TRPM6: variants seen among roughly 807,000 people sequenced by gnomAD.
TRPM6 encodes the protein channel kinase 2.
In TRPM6, 111 loss-of-function variants were observed where a neutral mutation model predicts 247.6. The observed-to-expected ratio is 0.45, with a 90% CI of 0.38 to 0.52. The LOEUF (loss-of-function observed/expected upper bound fraction) is 0.52, where lower values mean the gene tolerates loss of function less well. TRPM6 is among the 20% of genes least tolerant of loss of function. The pLI is 0.00. For missense variants in TRPM6, 2,126 were observed against 2,421.5 expected, an observed-to-expected ratio of 0.88 and a Z score of 2.56; for synonymous variants, 892 against 853.8, an observed-to-expected ratio of 1.04 and a Z score of -0.78.
At chr9:74,830,117 C>T (rs1255929980) in intron 6 of TRPM6, among the ~76,000 whole-genome samples, 3 of 151,786 alleles carry the variant, frequency 2.0e-5, no homozygotes, top group African/African-American at 2.4e-5. Flanking sequence ...GGCAACAGAG[C>T]AAATTTTATC....
chr9:74,827,194 T>G (rs537425611), intron 7 of TRPM6: 2 of 152,804 alleles, frequency 1.3e-5, no homozygotes, highest in East Asian at 4.0e-4. Context: ...GCCACCCCCC[T>G]TCCCACATGG....
intron 12 of TRPM6, among the ~76,000 whole-genome samples, chr9:74,811,137 T>C (rs1828715322): frequency 6.6e-6 from 1 of 152,218 alleles, no homozygotes; most frequent in Non-Finnish European, 1.5e-5. Flanking sequence ...AGGTAATTTA[T>C]TACTATCCTT....
chr9:74,844,046 A>C (rs1372831662), intron 3 of TRPM6, among the ~76,000 whole-genome samples: 1 of 152,202 alleles, frequency 6.6e-6, no homozygotes, highest in African/African-American at 2.4e-5. Flanking sequence ...AATATTCAGT[A>C]AACCATACTA....
intron 25 of TRPM6, among the ~76,000 whole-genome samples, chr9:74,767,116 C>G (rs928830503): frequency 6.6e-6 from 1 of 152,102 alleles, no homozygotes; most frequent in Admixed American, 6.5e-5. Context: ...AATTCTCATG[C>G]TGGGAGGTGT....
At chr9:74,789,960 CAAAAAAAAAAAAAAAA>C (rs71368680) in intron 19 of TRPM6, among the ~76,000 whole-genome samples, 1 of 65,114 alleles carries the variant, frequency 1.5e-5, no homozygotes, top group Non-Finnish European at 2.8e-5. Flanking sequence ...GACTCCATCT[CAAAAAAAAAAAAAAAA>C]AAAAAAAAAG....
At chr9:74,820,149 G>A in intron 9 of TRPM6, 155 bp downstream of exon 9, 1 of 790,300 alleles carries the variant, frequency 1.3e-6, no homozygotes, top group South Asian at 1.6e-5. Context: ...TATTTATCCT[G>A]ATTTTCTCCC....
intron 6 of TRPM6, among the ~76,000 whole-genome samples, chr9:74,828,526 A>T (rs1829430667): frequency 6.6e-6 from 1 of 152,236 alleles, no homozygotes; most frequent in Admixed American, 6.5e-5. Flanking sequence ...AACAGTATTG[A>T]AACAAACCCT....
intron 5 of TRPM6, among the ~76,000 whole-genome samples, chr9:74,839,123 A>AAG (rs1829830347): frequency 6.6e-6 from 1 of 151,692 alleles, no homozygotes; most frequent in Admixed American, 6.6e-5. Context: ...AAAAAAAAAA[A>AAG]AAAAGAAAAA....
chr9:74,734,107 C>G (rs1825615795), intron 36 of TRPM6, among the ~76,000 whole-genome samples: 1 of 151,966 alleles, frequency 6.6e-6, no homozygotes, highest in Non-Finnish European at 1.5e-5. Flanking sequence ...GGAATCAGCA[C>G]CTAAAGTGAA....
intron 30 of TRPM6, among the ~76,000 whole-genome samples, chr9:74,750,403 A>G (rs977932002): frequency 2.0e-5 from 3 of 152,226 alleles, no homozygotes; most frequent in South Asian, 2.1e-4. Context: ...GTGTTTTGAC[A>G]CTGAAAAGGC....
rs754834038 is a variant in TRPM6 at position 74,801,915 on chromosome 9, C to A, written c.1992G>T (p.Glu664Asp). 2 of 1,614,092 alleles carry A rather than the reference C, an allele frequency of 1.2e-6. No homozygotes were observed. Among genetic ancestry groups the A allele is most frequent in the African/African-American group, 1.3e-5 (1 of 74,932 alleles). Residue 664 changes from glutamate to aspartate, a missense_variant, in exon 16 of 39, where the codon GAG becomes GAT. Glu to Asp is a conservative substitution (Grantham distance 45). Transcript: ENST00000360774. The stretch of plus-strand genomic sequence containing the variant: ...ACACTTACTTTGAGTAATTCTTCAA[C>A]TCTTCTGAGGCATCATCCACCATGT... ...ESHMVDDASEELKNYSKQFGQ... is the reference protein window; with the variant it reads ...ESHMVDDASEDLKNYSKQFGQ...
At chr9:74,748,881 C>T (rs1826141508) in intron 30 of TRPM6, among the ~76,000 whole-genome samples, 1 of 152,058 alleles carries the variant, frequency 6.6e-6, no homozygotes, top group Non-Finnish European at 1.5e-5. Context: ...ATGTCCTGGG[C>T]CTTCACATTC....
chr9:74,826,453 C>T (rs1011446685), intron 7 of TRPM6, among the ~76,000 whole-genome samples: 1 of 152,120 alleles, frequency 6.6e-6, no homozygotes, highest in Non-Finnish European at 1.5e-5. Context: ...GCCCTTTGTC[C>T]CAAGGAAGTA....
chr9:74,783,411 A>G (rs1221874503), intron 21 of TRPM6, among the ~76,000 whole-genome samples: 3 of 152,150 alleles, frequency 2.0e-5, no homozygotes, highest in Non-Finnish European at 4.4e-5. Flanking sequence ...CTTTCCTTCC[A>G]TTAGGCTGGG....
rs1196293468 is a variant in TRPM6, at chr9:74,782,364, G to A, written c.3207C>T (p.Phe1069=). The change falls in exon 23 of 39, where the codon TTC becomes TTT. Residue 1069 remains phenylalanine, a splice_region_variant and synonymous_variant. Transcript: ENST00000360774. ...IIMVNLLIAF[F]NNVYLDMESI... ...CATATTTAATTGAAATAACCTACTT[G>A]AAGAAAGCAATCAACAGGTTCACCA... The A allele has an allele frequency of 6.2e-7, 1 of 1,608,008 alleles. No individual in the cohort carries two copies. The highest frequency in any genetic ancestry group is 1.7e-5 in the Admixed American group (1 of 60,002).
intron 5 of TRPM6, 41 bp downstream of exon 5, chr9:74,839,983 G>A (rs1401839423): frequency 9.5e-6 from 14 of 1,477,808 alleles, no homozygotes; most frequent in Non-Finnish European, 1.2e-5. Flanking sequence ...GAGAGGGAGG[G>A]TGAAAGAGAG....
intron 24 of TRPM6, 80 bp downstream of exon 24, chr9:74,775,803 A>T: frequency 6.9e-7 from 1 of 1,451,402 alleles, no homozygotes; most frequent in Non-Finnish European, 9.7e-7. Flanking sequence ...CCCTGAACTT[A>T]ATTTATAATA....
intron 6 of TRPM6, among the ~76,000 whole-genome samples, chr9:74,831,310 T>C (rs1056816790): frequency 2.0e-5 from 3 of 151,926 alleles, no homozygotes; most frequent in Non-Finnish European, 2.9e-5. Flanking sequence ...GCCAATATGG[T>C]GAAACCCCAT....
intron 17 of TRPM6, among the ~76,000 whole-genome samples, chr9:74,797,476 A>G (rs1249379056): frequency 6.6e-6 from 1 of 152,140 alleles, no homozygotes; most frequent in Non-Finnish European, 1.5e-5. Context: ...TACCTAATAC[A>G]ATGTAAATGC....
Sources: allele counts gnomAD v4.1 joint callset (sites outside exome capture counted in the v4.1 genomes callset), GRCh38; gene constraint gnomAD v4.1.1; transcripts MANE v1.5; gene names NCBI Gene and HGNC (gene_info 2026-07-23, HGNC 2026-07-21).